AK9: variants seen among roughly 807,000 people sequenced by gnomAD.
The protein encoded by AK9 is adenylate kinase domain containing 1.
A neutral mutation model predicts 239.6 loss-of-function variants in AK9; 191 were observed. The observed-to-expected ratio is 0.80, with a 90% CI of 0.71 to 0.90. The LOEUF is 0.90. Among genes scored for constraint, AK9 ranks in the 40% least tolerant of loss-of-function variants. The pLI, the probability that AK9 is intolerant of heterozygous loss-of-function variation, is 0.00. For missense variants in AK9, 1,995 were observed against 2,214.7 expected, an observed-to-expected ratio of 0.90 and a Z score of 1.99; for synonymous variants, 689 against 721.0, an observed-to-expected ratio of 0.96 and a Z score of 0.71.
At chr6:109,509,107 T>C in intron 33 of AK9, 72 bp downstream of exon 33, 1 of 1,425,616 alleles carries the variant, frequency 7.0e-7, no homozygotes, top group Non-Finnish European at 9.5e-7. Context: ...TGTAAGTGTT[T>C]TAAATCACGA....
chr6:109,545,112 C>T (rs1783371104), intron 26 of AK9, among the ~76,000 whole-genome samples: 1 of 152,132 alleles, frequency 6.6e-6, no homozygotes, highest in African/African-American at 2.4e-5. Flanking sequence ...ACTACCACTA[C>T]CCCAGATTAA....
At chr6:109,523,171 C>T (rs1780052582) in intron 29 of AK9, among the ~76,000 whole-genome samples, 1 of 151,970 alleles carries the variant, frequency 6.6e-6, no homozygotes, top group African/African-American at 2.4e-5. Context: ...TGCTTTGGCT[C>T]ACACCTGTAG....
chr6:109,620,138 T>G (rs947371596), intron 12 of AK9, among the ~76,000 whole-genome samples: 1 of 152,188 alleles, frequency 6.6e-6, no homozygotes, highest in Non-Finnish European at 1.5e-5. Context: ...AGTCTTTTTG[T>G]GGTTATGTGT....
At chr6:109,512,668 A>C (rs1349406286) in intron 32 of AK9, among the ~76,000 whole-genome samples, 1 of 152,140 alleles carries the variant, frequency 6.6e-6, no homozygotes, top group Non-Finnish European at 1.5e-5. Context: ...TTTTCCTTGG[A>C]AATGTATCCT....
intron 8 of AK9, among the ~76,000 whole-genome samples, chr6:109,650,918 C>A (rs1398032988): frequency 6.6e-6 from 1 of 152,150 alleles, no homozygotes; most frequent in Non-Finnish European, 1.5e-5. Flanking sequence ...ATGATGAGTT[C>A]ATGTCCTTTG....
At chr6:109,672,239 T>A in intron 3 of AK9, 72 bp from the exon 4 acceptor site, 2 of 1,257,724 alleles carry the variant, frequency 1.6e-6, no homozygotes, top group South Asian at 2.6e-5. Context: ...CATTCTAGTG[T>A]CTTGTAACTG....
intron 23 of AK9, among the ~76,000 whole-genome samples, 168 bp downstream of exon 23, chr6:109,563,912 C>A (rs781325490): frequency 2.0e-5 from 3 of 152,190 alleles, no homozygotes; most frequent in Non-Finnish European, 4.4e-5. Context: ...CATAGCTGTT[C>A]TGATTGGTCA....
chr6:109,558,633 T>C (rs1785312277), intron 24 of AK9, among the ~76,000 whole-genome samples: 1 of 152,196 alleles, frequency 6.6e-6, no homozygotes, highest in Non-Finnish European at 1.5e-5. Flanking sequence ...ACTTTATAAT[T>C]AATTAATCTT....
At chr6:109,555,896 T>C (rs1005300391) in intron 24 of AK9, among the ~76,000 whole-genome samples, 1 of 152,186 alleles carries the variant, frequency 6.6e-6, no homozygotes, top group Non-Finnish European at 1.5e-5. Flanking sequence ...TGAGCCTGTG[T>C]GTATCTTTGC....
rs571965541 is a variant in AK9 at position 109,684,499 on chromosome 6, T to C, written c.-12+6648A>G. ...GGAGAAAATTGTTGCAATCTATCCC[T>C]CTGACAAAGGGCTAATATCCAGAAT... is the stretch of plus-strand genomic sequence containing the variant. On this transcript the variant is annotated intron_variant, in intron 1 of 40. Coordinates refer to ENST00000424296, the MANE Select transcript of AK9 (RefSeq NM_001145128.3). 3.9e-5 allele frequency among the ~76,000 whole-genome samples: 6 copies of C among 152,100 alleles called. No homozygotes were observed. In the South Asian group the frequency reaches 1.0e-3, roughly 26 times the overall value.
rs1583481154 is a variant in AK9 at position 109,662,473 on chromosome 6, T to C, written c.444+78A>G. On this transcript the variant is annotated intron_variant, in intron 6 of 40. Coordinates refer to ENST00000424296, the MANE Select transcript of AK9 (RefSeq NM_001145128.3). ...TATTATCTCCATAACTATTTAAAAA[T>C]GTTTAAAGCATTCCTTGAATTTAAC... is the stretch of plus-strand genomic sequence containing the variant. 4 of 1,174,706 alleles carry C rather than the reference T, an allele frequency of 3.4e-6. No individual in the cohort carries two copies. The East Asian group carries it at 1.3e-4, about 37-fold the overall frequency. The allele number at this position is 1,174,706 out of a possible 1,614,324, so 72.8% of individuals were successfully genotyped here. A position where few individuals can be genotyped will look rare whatever the true frequency, so the allele number is the denominator to read the frequency against.
intron 17 of AK9, among the ~76,000 whole-genome samples, chr6:109,602,108 T>A (rs1170264811): frequency 1.3e-5 from 2 of 152,218 alleles, no homozygotes; most frequent in Non-Finnish European, 2.9e-5. Flanking sequence ...GTGAATTTGA[T>A]CCTGTCATTA....
intron 20 of AK9, among the ~76,000 whole-genome samples, chr6:109,578,076 C>T (rs1472454774): frequency 6.6e-6 from 1 of 151,898 alleles, no homozygotes; most frequent in African/African-American, 2.4e-5. Flanking sequence ...GGATTACAGG[C>T]GTGCACCACC....
chr6:109,652,139 G>A (rs911640112), intron 8 of AK9, among the ~76,000 whole-genome samples: 4 of 152,100 alleles, frequency 2.6e-5, no homozygotes, highest in Admixed American at 1.3e-4. Flanking sequence ...GATGAACATC[G>A]ATGCAAAAAT....
At chr6:109,539,829 C>A (rs1191945837) in intron 27 of AK9, among the ~76,000 whole-genome samples, 1 of 152,148 alleles carries the variant, frequency 6.6e-6, no homozygotes, top group Non-Finnish European at 1.5e-5. Flanking sequence ...ACAGTTAGGA[C>A]CCTCAGCTGT....
chr6:109,556,813 T>C (rs966803261), intron 24 of AK9, among the ~76,000 whole-genome samples: 3 of 152,062 alleles, frequency 2.0e-5, no homozygotes, highest in East Asian at 1.9e-4. Flanking sequence ...TTGACACTTG[T>C]GTATGCTTCA....
intron 13 of AK9, among the ~76,000 whole-genome samples, chr6:109,616,519 A>G (rs1366064344): frequency 1.3e-5 from 2 of 149,890 alleles, no homozygotes; most frequent in East Asian, 4.0e-4. Context: ...CTGAGTCTAC[A>G]GGTGTGGACC....
intron 3 of AK9, among the ~76,000 whole-genome samples, chr6:109,673,458 T>C (rs1771228629): frequency 6.6e-6 from 1 of 152,112 alleles, no homozygotes; most frequent in Non-Finnish European, 1.5e-5. Context: ...TTTCTACTTT[T>C]ATGAATTGCC....
intron 15 of AK9, 100 bp downstream of exon 15, chr6:109,614,083 A>C: frequency 8.2e-7 from 1 of 1,219,618 alleles, no homozygotes; most frequent in South Asian, 1.4e-5. Flanking sequence ...TGAAGTTTCC[A>C]ATTTTGGGGG....
Sources: gnomAD v4.1 joint callset for allele counts (sites outside exome capture counted in the v4.1 genomes callset) on GRCh38, gnomAD v4.1.1 for gene constraint, MANE v1.5 for transcripts, NCBI Gene and HGNC (gene_info 2026-07-23, HGNC 2026-07-21) for gene names.